ABCC2: variants seen among roughly 807,000 people sequenced by gnomAD.
The protein encoded by ABCC2 is ATP-binding cassette sub-family C member 2.
In ABCC2, 157 loss-of-function variants were observed where a neutral mutation model predicts 173.4. The ratio of observed to expected loss-of-function variants is 0.91; its 90% CI spans 0.80 to 1.03. The LOEUF (loss-of-function observed/expected upper bound fraction) is 1.03. ABCC2 is among the 50% of genes least tolerant of loss of function. The pLI, the probability that ABCC2 is intolerant of heterozygous loss-of-function variation, is 0.00. For synonymous variants in ABCC2, 657 were observed against 693.5 expected (o/e 0.95, Z 0.83); for missense variants, 1,822 against 1,852.3 (o/e 0.98, Z 0.30).
chr10:99,843,311 C>T (rs2038973311), intron 26 of ABCC2, among the ~76,000 whole-genome samples: 3 of 152,206 alleles, frequency 2.0e-5, no homozygotes, highest in East Asian at 1.9e-4. Context: ...CCCATGATTC[C>T]GTCCTCTGCT....
chr10:99,827,472 C>T (rs954267010), intron 19 of ABCC2, among the ~76,000 whole-genome samples: 2 of 152,162 alleles, frequency 1.3e-5, no homozygotes, highest in South Asian at 2.1e-4. Context: ...CTTTTCATTA[C>T]AATCTACTAT....
At chr10:99,789,697 G>A (rs1219219372) in intron 2 of ABCC2, among the ~76,000 whole-genome samples, 50 of 102,156 alleles carry the variant, frequency 4.9e-4, no homozygotes, top group African/African-American at 1.7e-3. Flanking sequence ...GTGACAGAGC[G>A]AAACTCCGTC....
intron 11 of ABCC2, among the ~76,000 whole-genome samples, chr10:99,806,620 A>G (rs1564678611): frequency 1.3e-5 from 2 of 152,196 alleles, no homozygotes; most frequent in Non-Finnish European, 2.9e-5. Context: ...TTCCCTTGAC[A>G]TTGATTAGCT....
chr10:99,830,055 C>A (rs571149786), intron 19 of ABCC2, among the ~76,000 whole-genome samples: 2 of 152,370 alleles, frequency 1.3e-5, no homozygotes, highest in Admixed American at 1.3e-4. Context: ...TAGGAATTTT[C>A]TTCTCCATTT....
At chr10:99,821,572 C>G (rs2038538609) in intron 19 of ABCC2, among the ~76,000 whole-genome samples, 1 of 152,186 alleles carries the variant, frequency 6.6e-6, no homozygotes, top group African/African-American at 2.4e-5. Flanking sequence ...AACGAGCATG[C>G]TGCCTTCAAG....
chr10:99,841,681 C>A (rs2038947170), intron 25 of ABCC2, among the ~76,000 whole-genome samples: 1 of 152,130 alleles, frequency 6.6e-6, no homozygotes, highest in African/African-American at 2.4e-5. Flanking sequence ...TTAACAGTTG[C>A]CCTAGGTGAT....
intron 31 of ABCC2, 69 bp downstream of exon 31, chr10:99,850,865 G>T: frequency 1.3e-6 from 2 of 1,548,734 alleles, no homozygotes; most frequent in Non-Finnish European, 1.8e-6. Flanking sequence ...GTGTCAGCCG[G>T]GAAACACCTG....
chr10:99,788,356 C>T (rs2037754798), intron 2 of ABCC2, among the ~76,000 whole-genome samples: 2 of 152,114 alleles, frequency 1.3e-5, no homozygotes, highest in African/African-American at 4.8e-5. Context: ...GTACTGATAC[C>T]ACCATGCAGC....
intron 30 of ABCC2, among the ~76,000 whole-genome samples, chr10:99,847,445 T>C (rs1483373843): frequency 6.7e-6 from 1 of 148,720 alleles, no homozygotes; most frequent in Non-Finnish European, 1.5e-5. Context: ...CTACTAAAAA[T>C]ACAAAAAGTA....
intron 8 of ABCC2, among the ~76,000 whole-genome samples, chr10:99,800,019 T>C (rs1436086363): frequency 6.6e-6 from 1 of 152,046 alleles, no homozygotes; most frequent in African/African-American, 2.4e-5. Context: ...CTGGTCAACA[T>C]AACGAGACCC....
At chr10:99,785,819 CTG>C (rs1055708659) in intron 2 of ABCC2, among the ~76,000 whole-genome samples, 5 of 151,784 alleles carry the variant, frequency 3.3e-5, no homozygotes, top group African/African-American at 1.2e-4. Context: ...TGCACAGCCT[CTG>C]TCAGTCCTTA....
intron 13 of ABCC2, among the ~76,000 whole-genome samples, chr10:99,809,306 T>C (rs980381539): frequency 1.3e-5 from 2 of 152,070 alleles, no homozygotes; most frequent in African/African-American, 4.8e-5. Flanking sequence ...TGAGCCAAGA[T>C]TGCACCCTTA....
intron 25 of ABCC2, among the ~76,000 whole-genome samples, chr10:99,836,811 T>A (rs1241926975): frequency 6.6e-6 from 1 of 152,160 alleles, no homozygotes; most frequent in Non-Finnish European, 1.5e-5. Context: ...TTCCGTCTTG[T>A]GAACAGGGTG....
chr10:99,785,188 C>G (rs1166751313), intron 2 of ABCC2, among the ~76,000 whole-genome samples: 1 of 152,160 alleles, frequency 6.6e-6, no homozygotes, highest in African/African-American at 2.4e-5. Context: ...TGAGGCAATC[C>G]AACTATCACT....
Position 99,799,252 on chromosome 10 carries a change from G to A in ABCC2, c.913G>A (p.Val305Ile), listed in dbSNP as rs1403912897. The A allele has an allele frequency of 2.5e-6, 4 of 1,614,152 alleles. No homozygotes were observed. The highest frequency in any genetic ancestry group is 3.4e-6 in the Non-Finnish European group (4 of 1,180,026). The change falls in exon 8 of 32, where the codon GTT becomes ATT. Residue 305 changes from valine (V) to isoleucine (I), a missense_variant. Physicochemically the swap from Val to Ile is conservative, Grantham distance 29 (BLOSUM62 3). Transcript: ENST00000647814. ...KKKKSGTKKD[V>I]PKSWLMKALF... ...AAAGAAGTCTGGGACCAAAAAAGAT[G>A]TTCCAAAATCCTGGTTGATGAAGGC...
chr10:99,849,240 T>G (rs1297008813), intron 30 of ABCC2, among the ~76,000 whole-genome samples: 2 of 152,168 alleles, frequency 1.3e-5, no homozygotes, highest in African/African-American at 4.8e-5. Context: ...CGAAAATATA[T>G]GTACACCTAC....
intron 25 of ABCC2, 87 bp from the exon 26 acceptor site, chr10:99,841,880 C>T: frequency 6.3e-7 from 1 of 1,599,748 alleles, no homozygotes; most frequent in Non-Finnish European, 8.5e-7. Flanking sequence ...GTCAAACCCT[C>T]TGAGAATGTT....
At chr10:99,805,498 G>A (rs775644193) in intron 11 of ABCC2, 51 bp downstream of exon 11, 1 of 1,565,042 alleles carries the variant, frequency 6.4e-7, no homozygotes, top group Admixed American at 1.7e-5. Context: ...AGAAGCAGTG[G>A]CTCTCTTGGC....
intron 24 of ABCC2, among the ~76,000 whole-genome samples, chr10:99,835,535 T>A (rs1342706561): frequency 1.3e-5 from 2 of 151,992 alleles, no homozygotes; most frequent in Non-Finnish European, 2.9e-5. Flanking sequence ...CTGTTCCAGT[T>A]CTTACCCCCT....
Sources: gnomAD v4.1 joint callset for allele counts (sites outside exome capture counted in the v4.1 genomes callset) on GRCh38, gnomAD v4.1.1 for gene constraint, MANE v1.5 for transcripts, NCBI Gene and HGNC (gene_info 2026-07-23, HGNC 2026-07-21) for gene names.